The following GALNTL6 variants were observed in gnomAD, a reference collection of about 807,000 sequenced individuals.
The protein encoded by GALNTL6 is polypeptide N-acetylgalactosaminyltransferase like 6.
Under a neutral mutation model 73.7 loss-of-function variants are expected in GALNTL6, and 46 were observed. That is an observed-to-expected ratio of 0.62 (90% CI 0.49 to 0.80). GALNTL6 has a LOEUF of 0.80. Among genes scored for constraint, GALNTL6 ranks in the 30% least tolerant of loss-of-function variants. GALNTL6 has a pLI of 0.00. For synonymous variants in GALNTL6, 259 were observed against 263.7 expected (o/e 0.98, Z 0.17); for missense variants, 604 against 755.0 (o/e 0.80, Z 2.34).
chr4:172,745,405 A>G (rs1737050990), intron 5 of GALNTL6, among the ~76,000 whole-genome samples: 1 of 151,018 alleles, frequency 6.6e-6, no homozygotes, highest in Non-Finnish European at 1.5e-5. Flanking sequence ...TGTAGAGATT[A>G]AAGAAAATTA....
chr4:172,809,516 G>T lies in GALNTL6; in HGVS notation c.709G>T (p.Val237Phe), dbSNP rs1431386338. The change falls in exon 6 of 13, where the codon GTC becomes TTC. Residue 237 changes from valine (V) to phenylalanine (F), a missense_variant. This residue lies in a region of GALNTL6 where 179 missense variants were observed against 230.8 expected (regional missense o/e 0.78). Coordinates refer to ENST00000506823, the MANE Select transcript of GALNTL6 (RefSeq NM_001034845.3). The surrounding 1 kb of genome is among the most constrained non-coding windows in gnomAD (Gnocchi z 4.4). ...GACATTCCTGGACTCCCACTGCGAGGTCAATGTGAACTGGCTGCCCCCACT... is the reference window on the plus strand; with the variant it reads ...GACATTCCTGGACTCCCACTGCGAGTTCAATGTGAACTGGCTGCCCCCACT... ...VLTFLDSHCE[V>F]NVNWLPPLLN... 1.9e-6 allele frequency: 3 copies of T among 1,613,350 alleles called. No homozygotes were observed. The highest frequency in any genetic ancestry group is 2.5e-6 in the Non-Finnish European group (3 of 1,179,652).
At chr4:172,389,533 T>A (rs1743587838) in intron 5 of GALNTL6, among the ~76,000 whole-genome samples, 1 of 152,108 alleles carries the variant, frequency 6.6e-6, no homozygotes, top group African/African-American at 2.4e-5. Context: ...ATAAGTTCTG[T>A]TTATGTAGTA....
intron 5 of GALNTL6, among the ~76,000 whole-genome samples, chr4:172,474,949 G>GA (rs1200126130): frequency 6.6e-6 from 1 of 152,102 alleles, no homozygotes; most frequent in Admixed American, 6.5e-5. Context: ...TGAATAAATT[G>GA]AAAAAATGGT....
intron 5 of GALNTL6, among the ~76,000 whole-genome samples, chr4:172,742,439 C>T (rs1425743482): frequency 1.3e-5 from 2 of 150,926 alleles, no homozygotes; most frequent in African/African-American, 4.9e-5. Context: ...AGATCTGTGG[C>T]AAGAGATACC....
At chr4:172,370,129 G>A (rs1184318574) in intron 5 of GALNTL6, among the ~76,000 whole-genome samples, 1 of 152,196 alleles carries the variant, frequency 6.6e-6, no homozygotes, top group Non-Finnish European at 1.5e-5. Flanking sequence ...CCCTGCAGTT[G>A]TAGTGTCCTC....
intron 2 of GALNTL6, among the ~76,000 whole-genome samples, chr4:172,077,773 G>A (rs892040319): frequency 2.6e-5 from 4 of 152,156 alleles, no homozygotes; most frequent in Admixed American, 1.3e-4. Flanking sequence ...GGAGTCAAAT[G>A]TTAATAGCCA....
At chr4:172,101,885 C>CA (rs1732530062) in intron 2 of GALNTL6, among the ~76,000 whole-genome samples, 1 of 151,276 alleles carries the variant, frequency 6.6e-6, no homozygotes, top group Non-Finnish European at 1.5e-5. Context: ...AAATAAGACA[C>CA]AAAAAATCAA....
At position 172,831,430 on chromosome 4, in the gene GALNTL6, G is replaced by T. The variant is rs527899956; in HGVS notation, c.923+17707G>T. Among the ~76,000 whole-genome samples the T allele has an allele frequency of 5.9e-4, 90 of 152,252 alleles. 1 individual carries two copies. The highest frequency in any genetic ancestry group is 2.1e-3 in the African/African-American group (89 of 41,546). ...TGCTCCAAATTGATCTGCCCAAAGG[G>T]ACTAGGTCAGAAAAAAATTGGAGAG... On this transcript the variant is annotated intron_variant, in intron 7 of 12. Coordinates refer to ENST00000506823, the MANE Select transcript of GALNTL6 (RefSeq NM_001034845.3).
At chr4:171,973,119 C>T (rs1000300213) in intron 2 of GALNTL6, among the ~76,000 whole-genome samples, 1 of 152,112 alleles carries the variant, frequency 6.6e-6, no homozygotes, top group Non-Finnish European at 1.5e-5. Context: ...TGACCCACTT[C>T]ACATTTTTAG....
intron 5 of GALNTL6, among the ~76,000 whole-genome samples, chr4:172,401,326 A>G (rs1011337891): frequency 7.9e-5 from 12 of 152,284 alleles, no homozygotes; most frequent in African/African-American, 2.9e-4. Flanking sequence ...AGTGAATTGT[A>G]TTGTTATTAA....
intron 3 of GALNTL6, among the ~76,000 whole-genome samples, chr4:172,245,401 C>T (rs1219075974): frequency 6.6e-6 from 1 of 152,058 alleles, no homozygotes; most frequent in Non-Finnish European, 1.5e-5. Flanking sequence ...TAAAGTCATC[C>T]TTACATTTAG....
intron 2 of GALNTL6, among the ~76,000 whole-genome samples, chr4:171,884,563 G>A (rs1736554134): frequency 6.6e-6 from 1 of 151,510 alleles, no homozygotes; most frequent in Admixed American, 6.6e-5. Context: ...GTAGTTGTCT[G>A]TTGGAGTCAG....
At chr4:172,858,152 T>C (rs1228253609) in intron 7 of GALNTL6, among the ~76,000 whole-genome samples, 1 of 152,162 alleles carries the variant, frequency 6.6e-6, no homozygotes, top group Non-Finnish European at 1.5e-5. Context: ...AGGGGTGACA[T>C]TCCCTTTAAC....
At chr4:172,303,476 C>T (rs1740014262) in intron 3 of GALNTL6, among the ~76,000 whole-genome samples, 1 of 152,184 alleles carries the variant, frequency 6.6e-6, no homozygotes, top group Admixed American at 6.5e-5. Context: ...GATTCCTAAT[C>T]TCCCTGTATG....
intron 2 of GALNTL6, among the ~76,000 whole-genome samples, chr4:171,830,146 G>T (rs1410294133): frequency 6.6e-6 from 1 of 152,086 alleles, no homozygotes; most frequent in East Asian, 1.9e-4. Flanking sequence ...ACAAGCCAAA[G>T]AACTCAAGAA....
chr4:172,521,181 C>T (rs1227470289), intron 5 of GALNTL6, among the ~76,000 whole-genome samples: 1 of 152,060 alleles, frequency 6.6e-6, no homozygotes, highest in Admixed American at 6.6e-5. Context: ...TTGCACATTC[C>T]ATTAGTCATT....
rs575427027 is a variant in GALNTL6 at position 173,010,931 on chromosome 4, A to G, written c.1488+1637A>G. On this transcript the variant is annotated intron_variant, in intron 11 of 12. Transcript: ENST00000506823. ...ATTTTTAGTTTTTTGAGGAACCTCC[A>G]AACTGTTCTCCATAGTACCTGTACT... Among the ~76,000 whole-genome samples the G allele has an allele frequency of 3.9e-5, 6 of 152,268 alleles. No homozygotes were observed. The South Asian group carries it at 1.0e-3, about 26-fold the overall frequency.
intron 2 of GALNTL6, among the ~76,000 whole-genome samples, chr4:172,198,097 T>C (rs10002770): frequency 0.042 from 6,375 of 151,712 alleles, 419 homozygotes; most frequent in African/African-American, 0.14. Context: ...AGCAACAGAG[T>C]GAGACTCTGT....
chr4:172,529,022 C>CACAT (rs1554032898), intron 5 of GALNTL6, among the ~76,000 whole-genome samples: 16 of 88,324 alleles, frequency 1.8e-4, no homozygotes, highest in African/African-American at 5.6e-4. Flanking sequence ...CACACACACA[C>CACAT]ATATATATAT....
Sources: gnomAD v4.1 joint callset for allele counts (sites outside exome capture counted in the v4.1 genomes callset) on GRCh38, gnomAD v4.1.1 for gene constraint, gnomAD v4.1.1 regional missense constraint, Gnocchi (gnomAD v3.1) non-coding constraint, MANE v1.5 for transcripts, NCBI Gene and HGNC (gene_info 2026-07-23, HGNC 2026-07-21) for gene names.